The following MKRN1 variants were observed in gnomAD, a reference collection of about 807,000 sequenced individuals.
The protein encoded by MKRN1 is makorin ring finger protein 1, also known as E3 ubiquitin-protein ligase makorin-1.
A neutral mutation model predicts 55.5 loss-of-function variants in MKRN1; 9 were observed. The ratio of observed to expected loss-of-function variants is 0.16; its 90% CI spans 0.10 to 0.28. The LOEUF is 0.28. Among genes scored for constraint, MKRN1 ranks in the 10% least tolerant of loss-of-function variants. The probability of loss-of-function intolerance (pLI) is 1.00; values close to 1 mark genes in which losing one functional copy is unlikely to be tolerated. For synonymous variants in MKRN1, 253 were observed against 235.9 expected (o/e 1.07, Z -0.66); for missense variants, 488 against 626.7 (o/e 0.78, Z 2.36).
rs554225501 is a variant in MKRN1, at chr7:140,463,755, G to A, written c.315-3819C>T. Among the ~76,000 whole-genome samples, 16 of 152,126 alleles carry A rather than the reference G, an allele frequency of 1.1e-4. No individual in the cohort carries two copies. In the South Asian group the frequency reaches 3.3e-3, roughly 32 times the overall value. ...AAAAAATTAGCCGGGCGTGGTGGCAGGCGCCTGTAGTCCCAGCTACTCGGG... is the reference window on the plus strand; with the variant it reads ...AAAAAATTAGCCGGGCGTGGTGGCAAGCGCCTGTAGTCCCAGCTACTCGGG... On this transcript the variant is annotated intron_variant, in intron 2 of 7. Transcript: ENST00000255977.
chr7:140,467,777 C>A (rs927583642), intron 2 of MKRN1, among the ~76,000 whole-genome samples: 1 of 151,442 alleles, frequency 6.6e-6, no homozygotes, highest in African/African-American at 2.4e-5. Context: ...CTGAGGCGGG[C>A]GGATCACCTG....
At chr7:140,463,392 C>G (rs1794677299) in intron 2 of MKRN1, among the ~76,000 whole-genome samples, 1 of 152,176 alleles carries the variant, frequency 6.6e-6, no homozygotes. Flanking sequence ...CCAACCACTG[C>G]CCACATCTAA....
chr7:140,479,535 G>GCGCCCGCGGCC, upstream of MKRN1: 1 of 520,924 alleles, frequency 1.9e-6, no homozygotes, highest in South Asian at 8.4e-5. Context: ...CAGAGCATGC[G>GCGCCCGCGGCC]CGCCCGCGGC....
intron 1 of MKRN1, among the ~76,000 whole-genome samples, chr7:140,476,895 C>A (rs995019959): frequency 6.6e-5 from 10 of 152,018 alleles, no homozygotes; most frequent in Admixed American, 6.6e-5. Flanking sequence ...GCCTGACCAA[C>A]ACGGAGAAAG....
rs1425459190 is a variant in MKRN1 at position 140,463,798 on chromosome 7, T to C, written c.315-3862A>G. On this transcript the variant is annotated intron_variant, in intron 2 of 7. Transcript: ENST00000255977. ...TACTCGGGAGGCTGAGGGAGGAGAA[T>C]GGCGTGAACCTGGGAGGCGGAGCTT... Among the ~76,000 whole-genome samples, 3 of 151,564 alleles carry C rather than the reference T, an allele frequency of 2.0e-5. 1 individual carries two copies. The highest frequency in any genetic ancestry group is 4.4e-5 in the Non-Finnish European group (3 of 67,896).
intron 1 of MKRN1, chr7:140,473,346 GAC>G (rs1794992248): frequency 2.5e-5 from 10 of 405,578 alleles, no homozygotes; most frequent in South Asian, 1.8e-4. Context: ...TGCAGTAAAA[GAC>G]AAAATTTACT....
At chr7:140,454,775 T>A (rs759430006) in intron 7 of MKRN1, 46 bp from the exon 8 acceptor site, 1 of 1,575,322 alleles carries the variant, frequency 6.3e-7, no homozygotes, top group African/African-American at 1.4e-5. Context: ...TCGAGCAGTA[T>A]CTTCTATCCT....
chr7:140,472,244 G>A, intron 1 of MKRN1: 1 of 475,006 alleles, frequency 2.1e-6, no homozygotes. Context: ...AGACCAGCCT[G>A]GGCAACATGG....
intron 1 of MKRN1, chr7:140,473,412 G>A (rs1327366554): frequency 6.2e-6 from 2 of 322,648 alleles, no homozygotes; most frequent in African/African-American, 4.5e-5. Flanking sequence ...CCCCAACATA[G>A]AGAACAAGAA....
At chr7:140,458,071 G>T (rs1794516060) in intron 4 of MKRN1, among the ~76,000 whole-genome samples, 1 of 152,196 alleles carries the variant, frequency 6.6e-6, no homozygotes, top group Admixed American at 6.5e-5. Context: ...ATACACTGCT[G>T]CTGGAAATGT....
Position 140,475,191 on chromosome 7 carries a change from T to C in MKRN1, c.186-3180A>G, listed in dbSNP as rs1287989605. 7 of 427,626 alleles carry C rather than the reference T, an allele frequency of 1.6e-5. No individual in the cohort carries two copies. The East Asian group carries it at 5.9e-4, about 36-fold the overall frequency. The allele number at this position is 427,626 out of a possible 1,614,324, so 26.5% of individuals were successfully genotyped here. ...ACCCCATCTCTACTAAACGTACAAATAATTAGCCGAGTGTGATGGCACGTG... is the reference window on the plus strand; with the variant it reads ...ACCCCATCTCTACTAAACGTACAAACAATTAGCCGAGTGTGATGGCACGTG... On this transcript the variant is annotated intron_variant, in intron 1 of 7. Transcript: ENST00000255977.
At chr7:140,467,396 G>A (rs1468293586) in intron 2 of MKRN1, among the ~76,000 whole-genome samples, 1 of 152,114 alleles carries the variant, frequency 6.6e-6, no homozygotes, top group Non-Finnish European at 1.5e-5. Context: ...TCCCACCTCA[G>A]CCTCCCAAGT....
rs748568314 is a variant in MKRN1 at position 140,479,175 on chromosome 7, T to C, written c.170A>G (p.Lys57Arg). 282 of 1,454,684 alleles carry C rather than the reference T, an allele frequency of 1.9e-4. No individual in the cohort carries two copies. Among genetic ancestry groups the C allele is most frequent in the Middle Eastern group, 1.2e-3 (5 of 4,186 alleles). The allele number at this position is 1,454,684 out of a possible 1,614,324, so 90.1% of individuals were successfully genotyped here. A position where few individuals can be genotyped will look rare whatever the true frequency, so the allele number is the denominator to read the frequency against. ...GSDGSGGGWT[K>R]QVTCRYFMHG... ...AACGTCCTACCTGCAGGTGACCTGT[T>C]TAGTCCAGCCGCCGCCGCTGCCGTC... Residue 57 changes from lysine (K) to arginine (R), a missense_variant, in exon 1 of 8, where the codon AAA (lysine) becomes AGA (arginine). Physicochemically the swap from Lys to Arg is conservative, Grantham distance 26. Around this residue, in one of 2 missense-constraint regions of MKRN1, gnomAD observed 210 missense variants for 220.0 expected, o/e 0.95. Coordinates refer to ENST00000255977, the MANE Select transcript of MKRN1 (RefSeq NM_013446.4).
Position 140,479,431 on chromosome 7 carries a change from G to A in MKRN1, c.-87C>T, listed in dbSNP as rs1488077138. On this transcript the variant is annotated 5_prime_UTR_variant, in exon 1 of 8. Coordinates refer to ENST00000255977, the MANE Select transcript of MKRN1 (RefSeq NM_013446.4). Reference sequence around the variant, plus strand: ...CTGCGGGGAGAGGACGGCGAGGCCAGGCGAGGGGAGGGGAAGGACACTGAG... The same window carrying A: ...CTGCGGGGAGAGGACGGCGAGGCCAAGCGAGGGGAGGGGAAGGACACTGAG... 4 of 1,230,254 alleles carry A rather than the reference G, an allele frequency of 3.3e-6. No homozygotes were observed. The East Asian group carries it at 1.3e-4, about 39-fold the overall frequency. 76.2% of individuals were successfully genotyped at this position (1,230,254 alleles called of 1,614,324 possible).
chr7:140,469,742 G>A lies in MKRN1; in HGVS notation c.314+2141C>T, dbSNP rs796562439. Among the ~76,000 whole-genome samples, 8 of 152,108 alleles carry A rather than the reference G, an allele frequency of 5.3e-5. No homozygotes were observed. In the South Asian group the frequency reaches 6.2e-4, roughly 12 times the overall value. On this transcript the variant is annotated intron_variant, in intron 2 of 7. Coordinates refer to ENST00000255977, the MANE Select transcript of MKRN1 (RefSeq NM_013446.4). ...AGCCTGGCCAACATAGTGAAACCCC[G>A]TCTCTACTAAAAATACAAAAGTTAG...
At chr7:140,472,782 T>C (rs1332172128) in intron 1 of MKRN1, among the ~76,000 whole-genome samples, 1 of 151,392 alleles carries the variant, frequency 6.6e-6, no homozygotes, top group East Asian at 2.0e-4. Flanking sequence ...GTAATAATAA[T>C]ACGCCTTAGA....
chr7:140,477,836 G>A (rs1230372945), intron 1 of MKRN1, among the ~76,000 whole-genome samples: 1 of 152,174 alleles, frequency 6.6e-6, no homozygotes, highest in Non-Finnish European at 1.5e-5. Flanking sequence ...TTGTAAAAGG[G>A]AAACAGATAT....
In MKRN1 at chr7:140,454,740, C is replaced by A; in HGVS notation, c.1237-11G>T. ...GTTCCTTCGTTGGGCCTGTAAAAAA[C>A]AAGGCCATGATAGGGATGGCACTGT... On this transcript the variant is annotated splice_polypyrimidine_tract_variant and intron_variant, in intron 7 of 7. Transcript: ENST00000255977. 1 of 1,613,148 alleles carries A rather than the reference C, an allele frequency of 6.2e-7. No individual in the cohort carries two copies. Among genetic ancestry groups the A allele is most frequent in the Non-Finnish European group, 8.5e-7 (1 of 1,179,190 alleles).
rs889148960 is a variant in MKRN1 at position 140,479,260 on chromosome 7, T to G, written c.85A>C (p.Thr29Pro). The G allele has an allele frequency of 2.1e-6, 3 of 1,398,540 alleles. No individual in the cohort carries two copies. The highest frequency in any genetic ancestry group is 3.2e-5 in the South Asian group (2 of 62,708). 86.6% of individuals were successfully genotyped at this position (1,398,540 alleles called of 1,614,324 possible). Residue 29 changes from threonine to proline, a missense_variant, in exon 1 of 8, where the codon ACC (threonine) becomes CCC (proline). Coordinates refer to ENST00000255977, the MANE Select transcript of MKRN1 (RefSeq NM_013446.4). ...GGGGCGGTGACTGTGGGGATCGGGGTGGGGGAGGCTGCTGCCGCCGTCGCC... is the reference window on the plus strand; with the variant it reads ...GGGGCGGTGACTGTGGGGATCGGGGGGGGGGAGGCTGCTGCCGCCGTCGCC... ...AAATAAAASP[T>P]PIPTVTAPSL... is the part of the protein sequence containing the mutation.
Sources: allele counts gnomAD v4.1 joint callset (sites outside exome capture counted in the v4.1 genomes callset), GRCh38; gene constraint gnomAD v4.1.1; regional missense constraint gnomAD v4.1.1; transcripts MANE v1.5; gene names NCBI Gene and HGNC (gene_info 2026-07-23, HGNC 2026-07-21).